The following RCL1 variants were observed in gnomAD, a reference collection of about 807,000 sequenced individuals.
RCL1 encodes RNA 3'-terminal phosphate cyclase-like protein.
A neutral mutation model predicts 42.4 loss-of-function variants in RCL1; 24 were observed. That is an observed-to-expected ratio of 0.57 (90% CI 0.41 to 0.80). RCL1 has a LOEUF of 0.80. Ranked by LOEUF, RCL1 falls within the 30% of genes least tolerant of loss-of-function variation. RCL1 has a pLI of 0.00. For missense variants in RCL1, 578 were observed against 467.9 expected (o/e 1.24, Z -2.17); for synonymous variants, 228 against 177.3 (o/e 1.29, Z -2.27).
At chr9:4,794,307 T>G (rs567987772) in intron 1 of RCL1, among the ~76,000 whole-genome samples, 2 of 152,230 alleles carry the variant, frequency 1.3e-5, no homozygotes, top group South Asian at 2.1e-4. Context: ...TTGACGGAGA[T>G]AGGTTAGGAA....
intron 3 of RCL1, chr9:4,827,471 A>G (rs1816800643): frequency 3.2e-6 from 1 of 311,594 alleles, no homozygotes; most frequent in Non-Finnish European, 5.9e-6. Context: ...TCAATCATAA[A>G]CTCAAGGGCT....
intron 1 of RCL1, among the ~76,000 whole-genome samples, chr9:4,820,418 C>T (rs1233161209): frequency 6.6e-6 from 1 of 152,178 alleles, no homozygotes; most frequent in Non-Finnish European, 1.5e-5. Context: ...AGTGCTGCTT[C>T]TGAAGCACCG....
At chr9:4,819,806 AAAAAC>A (rs902511437) in intron 1 of RCL1, among the ~76,000 whole-genome samples, 9 of 152,216 alleles carry the variant, frequency 5.9e-5, no homozygotes, top group Non-Finnish European at 8.8e-5. Flanking sequence ...ACTCCGTCTC[AAAAAC>A]AAAACAAAAC....
intron 5 of RCL1, among the ~76,000 whole-genome samples, chr9:4,837,474 G>T (rs772009816): frequency 6.6e-5 from 10 of 152,154 alleles, no homozygotes; most frequent in African/African-American, 2.2e-4. Flanking sequence ...TATTTGAGAT[G>T]TGTTTCCTTA....
intron 1 of RCL1, among the ~76,000 whole-genome samples, chr9:4,822,927 G>A (rs1816641614): frequency 6.6e-6 from 1 of 151,856 alleles, no homozygotes; most frequent in South Asian, 2.1e-4. Flanking sequence ...ATTTTCTCAT[G>A]CATTAAAAAA....
At chr9:4,807,654 G>C (rs1231114394) in intron 1 of RCL1, among the ~76,000 whole-genome samples, 1 of 152,040 alleles carries the variant, frequency 6.6e-6, no homozygotes, top group African/African-American at 2.4e-5. Flanking sequence ...TGAGTAGCTG[G>C]GATTACAGGC....
intron 1 of RCL1, among the ~76,000 whole-genome samples, chr9:4,798,254 G>C (rs1322449206): frequency 1.3e-5 from 2 of 152,218 alleles, no homozygotes; most frequent in African/African-American, 2.4e-5. Context: ...GTGTCCTGCA[G>C]GGTTCAGTTT....
At chr9:4,837,076 T>A (rs554782165) in intron 5 of RCL1, among the ~76,000 whole-genome samples, 8 of 152,168 alleles carry the variant, frequency 5.3e-5, no homozygotes, top group South Asian at 2.1e-4. Flanking sequence ...TAAGGTGATA[T>A]TCAACTCTAG....
rs374692878 is a variant in RCL1 at position 4,850,308 on chromosome 9, T to C, written c.971+758T>C. The stretch of plus-strand genomic sequence containing the variant: ...AGATATGAGACTGAACTGTCCTTTT[T>C]CGGTTATCATGGTACCGATGCTGTA... On this transcript the variant is annotated intron_variant, in intron 8 of 8. Transcript: ENST00000381750. The C allele has an allele frequency of 2.8e-5, 15 of 534,210 alleles. 1 individual carries two copies. The highest frequency in any genetic ancestry group is 5.0e-5 in the Non-Finnish European group (13 of 259,832). 33.1% of individuals were successfully genotyped at this position (534,210 alleles called of 1,614,324 possible).
intron 8 of RCL1, among the ~76,000 whole-genome samples, chr9:4,852,880 T>A (rs570526489): frequency 1.3e-5 from 2 of 152,128 alleles, no homozygotes; most frequent in African/African-American, 4.8e-5. Flanking sequence ...TAAACTTGCT[T>A]TGGGTGATTT....
Position 4,849,561 on chromosome 9 carries a change from C to G in RCL1, c.971+11C>G, listed in dbSNP as rs1587731390. 3.2e-6 allele frequency: 5 copies of G among 1,576,840 alleles called. No individual in the cohort carries two copies. Among genetic ancestry groups the G allele is most frequent in the East Asian group, 4.5e-5 (2 of 44,720 alleles). On this transcript the variant is annotated intron_variant, in intron 8 of 8. Transcript: ENST00000381750. The stretch of plus-strand genomic sequence containing the variant: ...TCTCTCTCCCTACACGTAAGTTATT[C>G]TTTTTCAACCTCGTTATTCTGTCCA...
chr9:4,823,474 G>C, intron 1 of RCL1, 74 bp from the exon 2 acceptor site: 1 of 1,158,058 alleles, frequency 8.6e-7, no homozygotes. Context: ...AATCAGGCAT[G>C]TGCTCTGGAA....
At chr9:4,860,084 G>A in intron 8 of RCL1, 41 bp from the exon 9 acceptor site, 2 of 1,392,634 alleles carry the variant, frequency 1.4e-6, no homozygotes, top group Non-Finnish European at 1.9e-6. Flanking sequence ...TTTTTTGAAT[G>A]AATTTCTTTT....
At chr9:4,833,116 G>A (rs767509449) in intron 3 of RCL1, 38 bp from the exon 4 acceptor site, 3 of 1,406,686 alleles carry the variant, frequency 2.1e-6, no homozygotes, top group African/African-American at 1.4e-5. Flanking sequence ...TCTGCTGAAG[G>A]CTTAATTAAA....
chr9:4,846,169 A>G (rs1450164002), intron 7 of RCL1, among the ~76,000 whole-genome samples: 4 of 152,176 alleles, frequency 2.6e-5, no homozygotes, highest in African/African-American at 9.7e-5. Context: ...AAAATGTCTC[A>G]TTGGTCCAAG....
chr9:4,793,096 C>A lies in RCL1; in HGVS notation c.5C>A (p.Ala2Glu), dbSNP rs761550319. The change falls in exon 1 of 9, where the codon GCG becomes GAG. Residue 2 changes from alanine (A) to glutamate (E), a missense_variant. Physicochemically the swap from Ala to Glu is moderately radical, Grantham distance 107. Transcript: ENST00000381750. M[A>E]TQAHSLSYAG... ...GTCTCTTCGGAGAGCGCGCACATGG[C>A]GACTCAGGCGCACTCCCTCAGCTAC... The A allele has an allele frequency of 3.7e-6, 6 of 1,608,916 alleles. No individual in the cohort carries two copies. The highest frequency in any genetic ancestry group is 5.1e-6 in the Non-Finnish European group (6 of 1,177,892).
Position 4,860,397 on chromosome 9 carries a change from G to A in RCL1, c.*122G>A. ...AATAGCCACTTGCTTAATTTTCTGTGAAGAAATATCAATATACAAATAAAA... is the reference window on the plus strand; with the variant it reads ...AATAGCCACTTGCTTAATTTTCTGTAAAGAAATATCAATATACAAATAAAA... On this transcript the variant is annotated 3_prime_UTR_variant, in exon 9 of 9. Coordinates refer to ENST00000381750, the MANE Select transcript of RCL1 (RefSeq NM_005772.5). The A allele has an allele frequency of 1.9e-6, 2 of 1,033,000 alleles. No individual in the cohort carries two copies. The highest frequency in any genetic ancestry group is 2.7e-6 in the Non-Finnish European group (2 of 728,054). The allele number at this position is 1,033,000 out of a possible 1,614,324, so 64.0% of individuals were successfully genotyped here.
chr9:4,829,397 A>G (rs1816875485), intron 3 of RCL1, among the ~76,000 whole-genome samples: 1 of 152,178 alleles, frequency 6.6e-6, no homozygotes, highest in Non-Finnish European at 1.5e-5. Flanking sequence ...TGGTTGCAAT[A>G]AAGGATCATG....
intron 1 of RCL1, among the ~76,000 whole-genome samples, chr9:4,811,536 T>A (rs1188259004): frequency 1.3e-5 from 2 of 152,224 alleles, no homozygotes; most frequent in African/African-American, 4.8e-5. Flanking sequence ...TGTGTCTGGC[T>A]TATCTTACTT....
Sources: gnomAD v4.1 joint callset for allele counts (sites outside exome capture counted in the v4.1 genomes callset) on GRCh38, gnomAD v4.1.1 for gene constraint, MANE v1.5 for transcripts, NCBI Gene and HGNC (gene_info 2026-07-23, HGNC 2026-07-21) for gene names.